Variants in TYK2 observed in about 807,000 individuals in gnomAD.
TYK2 encodes tyrosine kinase 2, also known as non-receptor tyrosine-protein kinase TYK2.
TYK2 carries 65 observed loss-of-function variants against 130.9 expected under a neutral mutation model. That is an observed-to-expected ratio of 0.50 (90% CI 0.41 to 0.61). TYK2 has a LOEUF of 0.61. TYK2 is among the 20% of genes least tolerant of loss of function. TYK2 has a pLI of 0.00. For synonymous variants in TYK2, 647 were observed against 658.9 expected, an observed-to-expected ratio of 0.98 and a Z score of 0.28; for missense variants, 1,378 against 1,610.7, an observed-to-expected ratio of 0.86 and a Z score of 2.47.
chr19:10,375,148 AAGAG>A (rs929620190), intron 3 of TYK2, among the ~76,000 whole-genome samples: 5 of 151,882 alleles, frequency 3.3e-5, no homozygotes, highest in African/African-American at 1.2e-4. Context: ...CAGCCTGGGC[AAGAG>A]AGAGACTGTC....
intron 14 of TYK2, 140 bp from the exon 15 acceptor site, chr19:10,359,442 G>T: frequency 9.7e-7 from 1 of 1,033,590 alleles, no homozygotes; most frequent in Non-Finnish European, 1.4e-6. Context: ...GTTTGGTCTG[G>T]GTTGAAAGTG....
intron 3 of TYK2, among the ~76,000 whole-genome samples, chr19:10,376,763 G>A (rs534014559): frequency 2.0e-5 from 3 of 151,838 alleles, no homozygotes; most frequent in African/African-American, 4.8e-5. Flanking sequence ...CCCCACGCCC[G>A]GCTAGTTTTT....
chr19:10,365,591 T>C lies in TYK2; in HGVS notation c.937A>G (p.Thr313Ala), dbSNP rs954391030. The change falls in exon 7 of 25, where the codon ACC (threonine) becomes GCC (alanine). Residue 313 changes from threonine to alanine, a missense_variant. By Grantham distance (58) the Thr-to-Ala change is moderately conservative. Coordinates refer to ENST00000525621, the MANE Select transcript of TYK2 (RefSeq NM_003331.5). ...GTGCCTGTCACCAGCACCTCGTGGG[T>C]TGGGGGCCCAGCAGCAGACTCAGGG... ...PGPESAAGPP[T>A]HEVLVTGTGG... 13 of 1,613,952 alleles carry C rather than the reference T, an allele frequency of 8.1e-6. No homozygotes were observed. In the African/African-American group the frequency reaches 1.7e-4, roughly 22 times the overall value.
At chr19:10,351,974 G>A (rs958544641) in intron 23 of TYK2, among the ~76,000 whole-genome samples, 8 of 151,324 alleles carry the variant, frequency 5.3e-5, no homozygotes, top group African/African-American at 1.7e-4. Flanking sequence ...TCCTGACCTC[G>A]TGATCTGCCC....
Position 10,353,947 on chromosome 19 carries a change from T to C in TYK2, c.2908+95A>G. ...ACTGCAGCCTGGGGTTGAGAGTCTC[T>C]AATTGGCTAGGCCAGACTGGCCCCG... On this transcript the variant is annotated intron_variant, in intron 20 of 24. Coordinates refer to ENST00000525621, the MANE Select transcript of TYK2 (RefSeq NM_003331.5). The surrounding 1 kb of genome is among the most constrained non-coding windows in gnomAD (Gnocchi z 6.9). 1 of 1,338,742 alleles carries C rather than the reference T, an allele frequency of 7.5e-7. No homozygotes were observed. The highest frequency in any genetic ancestry group is 1.1e-6 in the Non-Finnish European group (1 of 945,384). The allele number at this position is 1,338,742 out of a possible 1,614,324, so 82.9% of individuals were successfully genotyped here. A position where few individuals can be genotyped will look rare whatever the true frequency, so the allele number is the denominator to read the frequency against.
At position 10,350,784 on chromosome 19, in the gene TYK2, C is replaced by T. The variant is rs772521371; in HGVS notation, c.*50G>A. The T allele has an allele frequency of 1.2e-5, 19 of 1,607,478 alleles. No homozygotes were observed. The South Asian group carries it at 2.0e-4, about 17-fold the overall frequency. On this transcript the variant is annotated 3_prime_UTR_variant, in exon 25 of 25. Coordinates refer to ENST00000525621, the MANE Select transcript of TYK2 (RefSeq NM_003331.5). ...TGGAGCAGGGAGCAGGAGGCTCCCT[C>T]TGCAGCCACTGCCTGGTCCAGTCCT...
intron 12 of TYK2, 25 bp downstream of exon 12, chr19:10,362,053 C>T (rs1302621183): frequency 1.9e-6 from 3 of 1,613,366 alleles, no homozygotes; most frequent in Non-Finnish European, 2.5e-6. Flanking sequence ...CCTGCCCTTG[C>T]CCCGGGCCCC....
At chr19:10,363,677 C>G (rs569233713) in intron 9 of TYK2, among the ~76,000 whole-genome samples, 1 of 152,180 alleles carries the variant, frequency 6.6e-6, no homozygotes, top group East Asian at 1.9e-4. Flanking sequence ...CCCAATATGA[C>G]AGGGCAACAT....
rs772782888 is a variant in TYK2, at chr19:10,365,868, G to C, written c.660C>G (p.Arg220=). The C allele has an allele frequency of 8.7e-6, 14 of 1,611,650 alleles. No individual in the cohort carries two copies. The highest frequency in any genetic ancestry group is 1.2e-5 in the Non-Finnish European group (14 of 1,179,418). The part of the protein sequence containing the change: ...SFKDCIPRSF[R]RHIRQHSALT... ...GGGCGCTGTGCTGCCGGATATGCCG[G>C]CGGAAGGAGCGCGGGATGCAGTCCT... Residue 220 remains arginine, a synonymous_variant, in exon 7 of 25, where the codon CGC becomes CGG. Transcript: ENST00000525621.
At position 10,358,112 on chromosome 19, in the gene TYK2, A is replaced by G. The variant is rs757475126; in HGVS notation, c.2202T>C (p.Asn734=). 6 of 1,610,864 alleles carry G rather than the reference A, an allele frequency of 3.7e-6. No homozygotes were observed. The highest frequency in any genetic ancestry group is 5.1e-6 in the Non-Finnish European group (6 of 1,179,078). ...YLENKNLVHG[N]VCGRNILLAR... Reference sequence around the variant, plus strand: ...CCAGCAGGATGTTCCGGCCACACACATTACCATGAACCAGGTTCTTGTTCT... The same window carrying G: ...CCAGCAGGATGTTCCGGCCACACACGTTACCATGAACCAGGTTCTTGTTCT... The change falls in exon 16 of 25, where the codon AAT becomes AAC. Residue 734 remains asparagine (N), a synonymous_variant. Coordinates refer to ENST00000525621, the MANE Select transcript of TYK2 (RefSeq NM_003331.5).
intron 2 of TYK2, among the ~76,000 whole-genome samples, chr19:10,378,879 T>TATCTTATCTC (rs1174897708): frequency 2.8e-5 from 4 of 144,600 alleles, no homozygotes. Flanking sequence ...TATCTTATCT[T>TATCTTATCTC]ATTTTTGAGA....
chr19:10,363,103 T>A (rs927101389), intron 9 of TYK2, among the ~76,000 whole-genome samples: 3 of 151,908 alleles, frequency 2.0e-5, no homozygotes, highest in Admixed American at 6.6e-5. Context: ...CTCAAATTCC[T>A]GACCTCAGCT....
chr19:10,371,342 T>C (rs1466488239), intron 3 of TYK2, among the ~76,000 whole-genome samples: 4 of 151,628 alleles, frequency 2.6e-5, no homozygotes, highest in Non-Finnish European at 4.4e-5. Context: ...AATCTAGCCT[T>C]AAATGTTATG....
In TYK2 at chr19:10,365,792, G is replaced by A; in HGVS notation, c.736C>T (p.Gln246Ter). The A allele has an allele frequency of 6.2e-7, 1 of 1,612,304 alleles. No homozygotes were observed. Among genetic ancestry groups the A allele is most frequent in the Non-Finnish European group, 8.5e-7 (1 of 1,179,742 alleles). ...NVFRRFLRDF[Q>*]PGRLSQQMVM... ...ATCTGCTGGGAGAGTCGGCCCGGCT[G>A]GAAGTCCCGCAGGAACCTGCGGAAG... The change falls in exon 7 of 25, where the codon CAG becomes TAG. Residue 246 changes from glutamine (Q) to a stop codon, truncating the protein, a stop_gained. Coordinates refer to ENST00000525621, the MANE Select transcript of TYK2 (RefSeq NM_003331.5). LOFTEE classifies it high-confidence loss of function.
At position 10,368,395 on chromosome 19, in the gene TYK2, G is replaced by A. The variant is rs2041763923; in HGVS notation, c.217C>T (p.Leu73Phe). Residue 73 changes from leucine to phenylalanine, a missense_variant, in exon 4 of 25, where the codon CTC becomes TTC. Physicochemically the swap from Leu to Phe is conservative, Grantham distance 22. Transcript: ENST00000525621. Reference protein sequence around the residue: ...KVGITPPCFNLFALFDAQAQV... With the variant: ...KVGITPPCFNFFALFDAQAQV... The stretch of plus-strand genomic sequence containing the variant: ...GCCTGAGCATCGAAGAGGGCAAAGA[G>A]ATTGAAGCAAGGAGGAGTGATACCT... The A allele has an allele frequency of 6.2e-7, 1 of 1,614,048 alleles. No individual in the cohort carries two copies. The highest frequency in any genetic ancestry group is 8.5e-7 in the Non-Finnish European group (1 of 1,180,038).
Position 10,353,301 on chromosome 19 carries a change from T to C in TYK2, c.3028-203A>G, listed in dbSNP as rs1440495609. 1.7e-6 allele frequency: 1 copy of C among 571,572 alleles called. No individual in the cohort carries two copies. Among genetic ancestry groups the C allele is most frequent in the South Asian group, 2.9e-5 (1 of 34,938 alleles). The allele number at this position is 571,572 out of a possible 1,614,324, so 35.4% of individuals were successfully genotyped here. ...AGGGACGGGGCTAGACGAGCAAAGC[T>C]GGGCAGGAGGGCGAGTTGGGAGGGG... is the stretch of plus-strand genomic sequence containing the variant. On this transcript the variant is annotated intron_variant, in intron 21 of 24. Transcript: ENST00000525621. This position sits in a 1 kb window ranked among gnomAD's most constrained non-coding sequence, Gnocchi z 6.9.
intron 12 of TYK2, 51 bp from the exon 13 acceptor site, chr19:10,362,006 A>C: frequency 6.2e-7 from 1 of 1,613,102 alleles, no homozygotes; most frequent in Non-Finnish European, 8.5e-7. Flanking sequence ...TTAGCAGCTG[A>C]TCTCCCAGGG....
intron 3 of TYK2, among the ~76,000 whole-genome samples, chr19:10,373,869 C>G (rs2042011765): frequency 6.6e-6 from 1 of 152,056 alleles, no homozygotes; most frequent in Non-Finnish European, 1.5e-5. Flanking sequence ...CCCTGAAGGT[C>G]TTTCGCTTCC....
intron 5 of TYK2, among the ~76,000 whole-genome samples, chr19:10,367,281 T>G (rs1008945979): frequency 6.6e-5 from 10 of 151,996 alleles, no homozygotes; most frequent in Non-Finnish European, 1.3e-4. Flanking sequence ...CTTGTCAATC[T>G]TGTGCCTGTG....
Sources: allele counts gnomAD v4.1 joint callset (sites outside exome capture counted in the v4.1 genomes callset), GRCh38; gene constraint gnomAD v4.1.1; non-coding constraint Gnocchi (gnomAD v3.1); transcripts MANE v1.5; gene names NCBI Gene and HGNC (gene_info 2026-07-23, HGNC 2026-07-21).